The following SAXO1 variants were observed in gnomAD, a reference collection of about 807,000 sequenced individuals.
SAXO1 encodes 4930500O09Rik.
SAXO1 carries 21 observed loss-of-function variants against 17.5 expected under a neutral mutation model. The observed-to-expected ratio is 1.20, with a 90% confidence interval of 0.85 to 1.72. The LOEUF is 1.72. Ranked by LOEUF, SAXO1 falls within the 40% of genes most tolerant of loss-of-function variation. The pLI is 0.00. For missense variants in SAXO1, 843 were observed against 596.0 expected, an observed-to-expected ratio of 1.41 and a Z score of -4.32; for synonymous variants, 274 against 216.5, an observed-to-expected ratio of 1.27 and a Z score of -2.33.
intron 1 of SAXO1, among the ~76,000 whole-genome samples, chr9:18,978,741 A>C (rs7847488): frequency 0.18 from 27,369 of 152,154 alleles, 5,413 homozygotes; most frequent in African/African-American, 0.5. Context: ...ATAACTTAGG[A>C]AGATATTATC....
At chr9:18,978,797 T>C (rs1461771189) in intron 1 of SAXO1, among the ~76,000 whole-genome samples, 1 of 152,204 alleles carries the variant, frequency 6.6e-6, no homozygotes, top group Non-Finnish European at 1.5e-5. Flanking sequence ...AGAAGCTAAA[T>C]AATTTGCCCA....
intron 1 of SAXO1, among the ~76,000 whole-genome samples, chr9:19,020,774 A>T (rs1165952121): frequency 6.6e-6 from 1 of 152,188 alleles, no homozygotes; most frequent in Non-Finnish European, 1.5e-5. Flanking sequence ...AGTTTTGATT[A>T]AAAATGTTGA....
intron 1 of SAXO1, among the ~76,000 whole-genome samples, chr9:19,017,517 G>C (rs149829218): frequency 1.3e-5 from 2 of 152,216 alleles, no homozygotes; most frequent in African/African-American, 4.8e-5. Flanking sequence ...ACCAGAGCAG[G>C]CCTTAGCGGC....
rs760874392 is a variant in SAXO1 at position 18,928,461 on chromosome 9, G to A, written c.1016C>T (p.Thr339Ile). 4 of 1,611,976 alleles carry A rather than the reference G, an allele frequency of 2.5e-6. No individual in the cohort carries two copies. Among genetic ancestry groups the A allele is most frequent in the South Asian group, 1.1e-5 (1 of 90,724 alleles). ...KKCGRFEGSSTTKDDYKQWSS... is the reference protein window; with the variant it reads ...KKCGRFEGSSITKDDYKQWSS... The stretch of plus-strand genomic sequence containing the variant: ...CCACTGCTTGTAGTCATCCTTGGTG[G>A]TGGAAGAGCCTTCAAAGCGACCGCA... Residue 339 changes from threonine to isoleucine, a missense_variant, in exon 4 of 4, where the codon ACC becomes ATC. Transcript: ENST00000380534.
chr9:18,939,941 G>A (rs1489303748), intron 3 of SAXO1, among the ~76,000 whole-genome samples: 1 of 152,198 alleles, frequency 6.6e-6, no homozygotes, highest in African/African-American at 2.4e-5. Flanking sequence ...AGTAAAAGCT[G>A]ACAAGACTGG....
At chr9:18,992,677 G>C (rs1005658337) in intron 1 of SAXO1, among the ~76,000 whole-genome samples, 1 of 152,192 alleles carries the variant, frequency 6.6e-6, no homozygotes, top group African/African-American at 2.4e-5. Flanking sequence ...CTCCAAGTGA[G>C]AGAGTTTGGA....
chr9:19,027,331 C>A, intron 1 of SAXO1: 1 of 797,626 alleles, frequency 1.3e-6, no homozygotes, highest in South Asian at 1.3e-5. Context: ...ATCCTGGAGA[C>A]ACTGCCCAGA....
At chr9:18,950,404 T>G (rs979191421) in intron 2 of SAXO1, among the ~76,000 whole-genome samples, 1 of 152,082 alleles carries the variant, frequency 6.6e-6, no homozygotes, top group Non-Finnish European at 1.5e-5. Context: ...GAGCTTTTCA[T>G]GTAACAAAGC....
At chr9:19,039,874 G>A (rs1363911066) in intron 1 of SAXO1, among the ~76,000 whole-genome samples, 6 of 152,118 alleles carry the variant, frequency 3.9e-5, no homozygotes, top group South Asian at 2.1e-4. Flanking sequence ...GATTACAGGC[G>A]CCTGCCACCA....
intron 3 of SAXO1, among the ~76,000 whole-genome samples, chr9:18,936,181 C>T (rs945444): frequency 3.7e-4 from 57 of 152,022 alleles, no homozygotes; most frequent in South Asian, 1.7e-3. Flanking sequence ...TCCACCAGCA[C>T]GCTCTTAAGT....
intron 1 of SAXO1, among the ~76,000 whole-genome samples, chr9:19,011,999 C>CAG (rs1457063513): frequency 3.3e-5 from 5 of 152,052 alleles, no homozygotes; most frequent in African/African-American, 1.2e-4. Context: ...GCGCAGGTCA[C>CAG]CATGCCCGGC....
chr9:18,930,346 T>G (rs951066592), intron 3 of SAXO1, among the ~76,000 whole-genome samples: 16 of 152,170 alleles, frequency 1.1e-4, no homozygotes, highest in African/African-American at 3.9e-4. Context: ...TCCATGCATC[T>G]TGAGGACCAG....
At chr9:18,941,863 G>T in intron 2 of SAXO1, 24 bp from the exon 3 acceptor site, 2 of 1,611,166 alleles carry the variant, frequency 1.2e-6, no homozygotes, top group Non-Finnish European at 1.7e-6. Flanking sequence ...AGTGCATGCT[G>T]TTGGGGTCCT....
chr9:18,958,151 C>T (rs538951807), intron 1 of SAXO1, among the ~76,000 whole-genome samples: 2 of 152,104 alleles, frequency 1.3e-5, no homozygotes, highest in African/African-American at 2.4e-5. Context: ...TAGCCAGGTG[C>T]GGTGGCTCAT....
chr9:18,997,098 A>T (rs548976600), intron 1 of SAXO1, among the ~76,000 whole-genome samples: 2 of 152,222 alleles, frequency 1.3e-5, no homozygotes, highest in South Asian at 2.1e-4. Context: ...ATGGTTGGAC[A>T]GTGGGTGCCG....
chr9:18,997,100 T>G (rs1257653361), intron 1 of SAXO1, among the ~76,000 whole-genome samples: 1 of 151,964 alleles, frequency 6.6e-6, no homozygotes, highest in Non-Finnish European at 1.5e-5. Flanking sequence ...GGTTGGACAG[T>G]GGGTGCCGCC....
intron 1 of SAXO1, chr9:19,027,871 C>A (rs986418036): frequency 9.6e-6 from 13 of 1,359,088 alleles, no homozygotes; most frequent in Middle Eastern, 3.5e-4. Flanking sequence ...TACGCTAGGG[C>A]GGCCTGGACC....
Position 18,928,726 on chromosome 9 carries a change from G to C in SAXO1, c.751C>G (p.Pro251Ala), listed in dbSNP as rs370387559. 6.2e-7 allele frequency: 1 copy of C among 1,614,132 alleles called. No individual in the cohort carries two copies. The highest frequency in any genetic ancestry group is 8.5e-7 in the Non-Finnish European group (1 of 1,180,022). The change falls in exon 4 of 4, where the codon CCT (proline) becomes GCT (alanine). Residue 251 changes from proline to alanine, a missense_variant. Physicochemically the swap from Pro to Ala is conservative, Grantham distance 27. Transcript: ENST00000380534. Reference protein sequence around the residue: ...KQSYRGLMGEPAKSLKPLARP... With the variant: ...KQSYRGLMGEAAKSLKPLARP... ...GCTAGAGGTTTCAAGCTCTTGGCAG[G>C]CTCCCCCATCAGGCCCCGGTAGGAT...
intron 1 of SAXO1, among the ~76,000 whole-genome samples, chr9:19,003,314 C>T (rs1356658293): frequency 3.3e-5 from 5 of 152,204 alleles, no homozygotes; most frequent in African/African-American, 1.2e-4. Flanking sequence ...AATGGCCATA[C>T]TGCCCAAAGT....
Sources: allele counts gnomAD v4.1 joint callset (sites outside exome capture counted in the v4.1 genomes callset), GRCh38; gene constraint gnomAD v4.1.1; transcripts MANE v1.5; gene names NCBI Gene and HGNC (gene_info 2026-07-23, HGNC 2026-07-21).